ACOX3: variants seen among roughly 807,000 people sequenced by gnomAD.
ACOX3 encodes the protein acyl-CoA oxidase 3, pristanoyl, also known as peroxisomal acyl-coenzyme A oxidase 3.
A neutral mutation model predicts 81.5 loss-of-function variants in ACOX3; 73 were observed. The observed-to-expected ratio is 0.90, with a 90% CI of 0.74 to 1.09. The LOEUF is 1.09. ACOX3 is among the 50% of genes least tolerant of loss of function. The pLI, the probability that ACOX3 is intolerant of heterozygous loss-of-function variation, is 0.00. For missense variants in ACOX3, 947 were observed against 928.0 expected, an observed-to-expected ratio of 1.02 and a Z score of -0.27; for synonymous variants, 387 against 375.1, an observed-to-expected ratio of 1.03 and a Z score of -0.37.
At position 8,381,537 on chromosome 4, in the gene ACOX3, C is replaced by A. The variant is rs1717645877; in HGVS notation, c.1608G>T (p.Glu536Asp). 2 of 1,614,062 alleles carry A rather than the reference C, an allele frequency of 1.2e-6. No homozygotes were observed. Among genetic ancestry groups the A allele is most frequent in the Non-Finnish European group, 8.5e-7 (1 of 1,179,994 alleles). The change falls in exon 14 of 18, where the codon GAG becomes GAT. Residue 536 changes from glutamate (E) to aspartate (D), a missense_variant. Transcript: ENST00000356406. The surrounding 1 kb of genome is among the most constrained non-coding windows in gnomAD (Gnocchi z 4.3). ...LRETYQKLNQ[E>D]KRSGSSDFEA... ...CAAAGTCACTGCTTCCTGATCTTTTCTCTTGGTTTAATTTTTGATAAGTCT... is the reference window on the plus strand; with the variant it reads ...CAAAGTCACTGCTTCCTGATCTTTTATCTTGGTTTAATTTTTGATAAGTCT...
chr4:8,407,601 C>T lies in ACOX3; in HGVS notation c.688-1558G>A, dbSNP rs1013340362. The stretch of plus-strand genomic sequence containing the variant: ...AGCCATGAGAGACTAACACGGGGGC[C>T]GGTGCTGCCGGGAGGACGTCGGGAA... On this transcript the variant is annotated intron_variant, in intron 6 of 17. Coordinates refer to ENST00000356406, the MANE Select transcript of ACOX3 (RefSeq NM_003501.3). This position sits in a 1 kb window ranked among gnomAD's most constrained non-coding sequence, Gnocchi z 4.6. Among the ~76,000 whole-genome samples the T allele has an allele frequency of 3.9e-5, 6 of 152,328 alleles. No individual in the cohort carries two copies. Among genetic ancestry groups the T allele is most frequent in the East Asian group, 3.9e-4 (2 of 5,184 alleles).
At chr4:8,363,634 T>C (rs1715277235), downstream of ACOX3, among the ~76,000 whole-genome samples, 1 of 152,096 alleles carries the variant, frequency 6.6e-6, no homozygotes, top group African/African-American at 2.4e-5. Context: ...CTGGGTAAAA[T>C]GAGGCTGAGA....
chr4:8,377,157 C>T (rs1354198846), intron 14 of ACOX3, among the ~76,000 whole-genome samples: 1 of 152,224 alleles, frequency 6.6e-6, no homozygotes, highest in African/African-American at 2.4e-5. Context: ...TCTCCTCTCG[C>T]CATGGGTCCT....
At chr4:8,393,621 A>G (rs1020912815) in intron 10 of ACOX3, among the ~76,000 whole-genome samples, 47 of 115,730 alleles carry the variant, frequency 4.1e-4, no homozygotes, top group African/African-American at 1.5e-3. Context: ...ACACGCACAC[A>G]CACACACACA....
At chr4:8,402,409 A>G (rs1720468964) in intron 7 of ACOX3, among the ~76,000 whole-genome samples, 1 of 152,176 alleles carries the variant, frequency 6.6e-6, no homozygotes, top group African/African-American at 2.4e-5. Context: ...ACCTCGTGAG[A>G]AAAACCTTGC....
chr4:8,359,250 G>T, the ACOX3 span, among the ~76,000 whole-genome samples: 1 of 152,208 alleles, frequency 6.6e-6, no homozygotes, highest in Non-Finnish European at 1.5e-5. This position sits in a 1 kb window ranked among gnomAD's most constrained non-coding sequence, Gnocchi z 6.0. Context: ...CTGCACCACT[G>T]GTTGGCCGAC....
At chr4:8,440,322 C>G (rs1053479221) in intron 1 of ACOX3, among the ~76,000 whole-genome samples, 1 of 152,208 alleles carries the variant, frequency 6.6e-6, no homozygotes, top group African/African-American at 2.4e-5. Context: ...GCTTGTCCTG[C>G]TACAGTAGGT....
intron 14 of ACOX3, among the ~76,000 whole-genome samples, chr4:8,377,030 G>A (rs1717052753): frequency 6.6e-6 from 1 of 151,980 alleles, no homozygotes; most frequent in Non-Finnish European, 1.5e-5. Context: ...CACCTTCCAT[G>A]AAACAAGCGG....
In ACOX3 at chr4:8,382,777, G is replaced by C. The variant is rs1717836523; in HGVS notation, c.1538-1170C>G. On this transcript the variant is annotated intron_variant, in intron 13 of 17. Coordinates refer to ENST00000356406, the MANE Select transcript of ACOX3 (RefSeq NM_003501.3). This position sits in a 1 kb window ranked among gnomAD's most constrained non-coding sequence, Gnocchi z 4.1. ...GGAGGCAGAGGCGGGCGGATCACGAGGTCAGGAGATCGAGACCATCCTGGC... is the reference window on the plus strand; with the variant it reads ...GGAGGCAGAGGCGGGCGGATCACGACGTCAGGAGATCGAGACCATCCTGGC... 6.6e-6 allele frequency among the ~76,000 whole-genome samples: 1 copy of C among 152,090 alleles called. No individual in the cohort carries two copies.
At chr4:8,392,521 G>A in intron 10 of ACOX3, 68 bp from the exon 11 acceptor site, 3 of 1,443,078 alleles carry the variant, frequency 2.1e-6, no homozygotes. Flanking sequence ...TCATAAGTCA[G>A]CAATAGCATC....
At chr4:8,411,984 A>T (rs1721770284) in intron 5 of ACOX3, among the ~76,000 whole-genome samples, 1 of 152,196 alleles carries the variant, frequency 6.6e-6, no homozygotes, top group Non-Finnish European at 1.5e-5. Flanking sequence ...CTTAGGGATC[A>T]AATGCCAAAA....
rs368881182 is a variant in ACOX3 at position 8,369,492 on chromosome 4, G to T, written c.1983+1416C>A. 1.6e-4 allele frequency among the ~76,000 whole-genome samples: 24 copies of T among 152,312 alleles called. No homozygotes were observed. The South Asian group carries it at 3.9e-3, about 25-fold the overall frequency. ...TCATCATCTGGGCTGTATGGGCTCT[G>T]GGGATGGTCAGTGGTCAGTCCCCGA... On this transcript the variant is annotated intron_variant, in intron 17 of 17. Coordinates refer to ENST00000356406, the MANE Select transcript of ACOX3 (RefSeq NM_003501.3).
rs756359390 is a variant in ACOX3, at chr4:8,385,122, A to C, written c.1538-3515T>G. ...TGTCTCGCAGAAGGAAAACAGGCTC[A>C]GAGAGATTAAAGCCTAGCTCAAGGT... is the stretch of plus-strand genomic sequence containing the variant. On this transcript the variant is annotated intron_variant, in intron 13 of 17. Coordinates refer to ENST00000356406, the MANE Select transcript of ACOX3 (RefSeq NM_003501.3). This position sits in a 1 kb window ranked among gnomAD's most constrained non-coding sequence, Gnocchi z 5.5. 1.8e-4 allele frequency among the ~76,000 whole-genome samples: 28 copies of C among 152,150 alleles called. No homozygotes were observed. Among genetic ancestry groups the C allele is most frequent in the Non-Finnish European group, 3.2e-4 (22 of 68,014 alleles).
At chr4:8,369,615 C>T (rs1715901009) in intron 17 of ACOX3, among the ~76,000 whole-genome samples, 1 of 152,226 alleles carries the variant, frequency 6.6e-6, no homozygotes, top group Non-Finnish European at 1.5e-5. Flanking sequence ...CCTGGCACTA[C>T]CTGCCTCTTG....
chr4:8,374,157 G>A (rs1390699127), intron 15 of ACOX3: 1 of 167,668 alleles, frequency 6.0e-6, no homozygotes, highest in African/African-American at 2.4e-5. Context: ...GAGGTCCAAG[G>A]CTGTGGCCTT....
chr4:8,361,365 G>A (rs375495486), downstream of ACOX3, among the ~76,000 whole-genome samples: 1 of 137,278 alleles, frequency 7.3e-6, no homozygotes, highest in Non-Finnish European at 1.5e-5. Context: ...GGCGGAGCTC[G>A]CAGTGAGCTG....
chr4:8,436,500 A>AG (rs1486697848), intron 1 of ACOX3: 2 of 152,196 alleles, frequency 1.3e-5, no homozygotes, highest in African/African-American at 4.8e-5. Context: ...TCTAGGAAAA[A>AG]GGGGAAAAAA....
the ACOX3 span, among the ~76,000 whole-genome samples, chr4:8,359,317 G>T: frequency 2.6e-5 from 4 of 151,922 alleles, no homozygotes; most frequent in African/African-American, 9.7e-5. The surrounding 1 kb of genome is among the most constrained non-coding windows in gnomAD (Gnocchi z 6.0). Context: ...GAGGCCCAAC[G>T]TAGGGGAGTT....
At chr4:8,440,519 A>C (rs1579020964) in intron 1 of ACOX3, 129 bp downstream of exon 1, 2 of 317,330 alleles carry the variant, frequency 6.3e-6, no homozygotes, top group South Asian at 2.8e-4. Flanking sequence ...AGGCTCCCTG[A>C]CTTTTATCGG....
Sources: gnomAD v4.1 joint callset for allele counts (sites outside exome capture counted in the v4.1 genomes callset) on GRCh38, gnomAD v4.1.1 for gene constraint, Gnocchi (gnomAD v3.1) non-coding constraint, MANE v1.5 for transcripts, NCBI Gene and HGNC (gene_info 2026-07-23, HGNC 2026-07-21) for gene names.